The following FKBP4 variants were observed in gnomAD, a reference collection of about 807,000 sequenced individuals.
FKBP4 encodes peptidyl-prolyl cis-trans isomerase FKBP4.
Under a neutral mutation model 54.1 loss-of-function variants are expected in FKBP4, and 28 were observed. The observed-to-expected ratio is 0.52, with a 90% CI of 0.38 to 0.71. The LOEUF (loss-of-function observed/expected upper bound fraction) is 0.71. Ranked by LOEUF, FKBP4 falls within the 30% of genes least tolerant of loss-of-function variation. The pLI, the probability that FKBP4 is intolerant of heterozygous loss-of-function variation, is 0.00. For synonymous variants in FKBP4, 223 were observed against 216.1 expected (o/e 1.03, Z -0.28); for missense variants, 493 against 574.4 (o/e 0.86, Z 1.45).
intron 5 of FKBP4, among the ~76,000 whole-genome samples, 170 bp downstream of exon 5, chr12:2,799,414 CCTT>C (rs751126529): frequency 6.6e-6 from 1 of 152,204 alleles, no homozygotes; most frequent in Non-Finnish European, 1.5e-5. Flanking sequence ...GTCTACATCT[CCTT>C]GGATCTAAGC....
Position 2,800,373 on chromosome 12 carries a change from A to C in FKBP4, c.847-19A>C. ...CCACTGAAACTGTGCCAGGTGCCTGAGCCTCTCTCCCATTCCAGGAAGGTA... is the reference window on the plus strand; with the variant it reads ...CCACTGAAACTGTGCCAGGTGCCTGCGCCTCTCTCCCATTCCAGGAAGGTA... On this transcript the variant is annotated intron_variant, in intron 7 of 9. Transcript: ENST00000001008. The C allele has an allele frequency of 6.3e-7, 1 of 1,597,936 alleles. No homozygotes were observed. Among genetic ancestry groups the C allele is most frequent in the Non-Finnish European group, 8.5e-7 (1 of 1,171,996 alleles).
intron 5 of FKBP4, 104 bp from the exon 6 acceptor site, chr12:2,799,746 C>A: frequency 1.0e-6 from 1 of 967,736 alleles, no homozygotes. Context: ...AACCAAGTCT[C>A]AAGGGATGGG....
At chr12:2,796,090 T>C (rs2097901672) in intron 1 of FKBP4, 1 of 1,195,676 alleles carries the variant, frequency 8.4e-7, no homozygotes, top group East Asian at 5.9e-5. Context: ...CTGCCTTGGG[T>C]CGGAGCAGGT....
At position 2,797,609 on chromosome 12, in the gene FKBP4, C is replaced by A; in HGVS notation, c.251-120C>A. 3 of 1,246,548 alleles carry A rather than the reference C, an allele frequency of 2.4e-6. No homozygotes were observed. The East Asian group carries it at 7.1e-5, about 30-fold the overall frequency. The allele number at this position is 1,246,548 out of a possible 1,614,324, so 77.2% of individuals were successfully genotyped here. A position where few individuals can be genotyped will look rare whatever the true frequency, so the allele number is the denominator to read the frequency against. ...ACAACCAGGTACCTCACCTTCTGGT[C>A]CCATTTCTAAAGGATGTCCAGCTTC... On this transcript the variant is annotated intron_variant, in intron 2 of 9. Coordinates refer to ENST00000001008, the MANE Select transcript of FKBP4 (RefSeq NM_002014.4).
chr12:2,797,258 A>G lies in FKBP4; in HGVS notation c.226A>G (p.Lys76Glu). 1.9e-6 allele frequency: 3 copies of G among 1,613,980 alleles called. No homozygotes were observed. Among genetic ancestry groups the G allele is most frequent in the Non-Finnish European group, 2.5e-6 (3 of 1,179,884 alleles). The change falls in exon 2 of 10, where the codon AAA becomes GAA. Residue 76 changes from lysine (K) to glutamate (E), a missense_variant. Physicochemically the swap from Lys to Glu is moderately conservative, Grantham distance 56 (BLOSUM62 1). Coordinates refer to ENST00000001008, the MANE Select transcript of FKBP4 (RefSeq NM_002014.4). ...KFDSSLDRKDKFSFDLGKGEV... is the reference protein window; with the variant it reads ...KFDSSLDRKDEFSFDLGKGEV... The stretch of plus-strand genomic sequence containing the variant: ...TGACTCCAGTCTGGATCGCAAGGAC[A>G]AATTCTCCTTTGACCTGGGAAAAGG...
chr12:2,801,247 C>T lies in FKBP4; in HGVS notation c.1163C>T (p.Ala388Val), dbSNP rs779602240. 2 of 1,613,556 alleles carry T rather than the reference C, an allele frequency of 1.2e-6. No individual in the cohort carries two copies. The highest frequency in any genetic ancestry group is 2.2e-5 in the South Asian group (2 of 91,052). The change falls in exon 9 of 10, where the codon GCC becomes GTC. Residue 388 changes from alanine to valine, a missense_variant. Transcript: ENST00000001008. ...CTGCAGCTCTACCCCAACAACAAAG[C>T]CGCCAAGACCCAGCTGGCTGTGTGC... ...KVLQLYPNNK[A>V]AKTQLAVCQQ...
intron 9 of FKBP4, 52 bp from the exon 10 acceptor site, chr12:2,803,099 T>G: frequency 8.0e-7 from 1 of 1,247,970 alleles, no homozygotes; most frequent in South Asian, 1.3e-5. Context: ...AAATTAAGTG[T>G]GTGTTTTTTC....
At position 2,795,846 on chromosome 12, in the gene FKBP4, A is replaced by T; in HGVS notation, c.105+602A>T. On this transcript the variant is annotated intron_variant, in intron 1 of 9. Coordinates refer to ENST00000001008, the MANE Select transcript of FKBP4 (RefSeq NM_002014.4). The surrounding 1 kb of genome is among the most constrained non-coding windows in gnomAD (Gnocchi z 4.3). Reference sequence around the variant, plus strand: ...GGGTCCCCTGCCGACGCCGGGACCCAGCGAGGTCCCCACTCGCCGCGCGGC... The same window carrying T: ...GGGTCCCCTGCCGACGCCGGGACCCTGCGAGGTCCCCACTCGCCGCGCGGC... The T allele has an allele frequency of 1.7e-6, 1 of 600,358 alleles. No individual in the cohort carries two copies. The highest frequency in any genetic ancestry group is 2.1e-6 in the Non-Finnish European group (1 of 476,980). 37.2% of individuals were successfully genotyped at this position (600,358 alleles called of 1,614,324 possible).
rs143403049 is a variant in FKBP4, at chr12:2,803,199, A to G, written c.1321A>G (p.Lys441Glu). The G allele has an allele frequency of 1.2e-4, 190 of 1,605,834 alleles. No homozygotes were observed. Among genetic ancestry groups the G allele is most frequent in the Non-Finnish European group, 1.4e-4 (167 of 1,176,384 alleles). ...AGACCATCCCACTGACACAGAGATG[A>G]AGGAGGAGCAGAAGAGCAACACGGC... ...SGDHPTDTEM[K>E]EEQKSNTAGS... Residue 441 changes from lysine (K) to glutamate (E), a missense_variant, in exon 10 of 10, where the codon AAG (lysine) becomes GAG (glutamate). Physicochemically the swap from Lys to Glu is moderately conservative, Grantham distance 56. Coordinates refer to ENST00000001008, the MANE Select transcript of FKBP4 (RefSeq NM_002014.4).
Position 2,801,350 on chromosome 12 carries a change from G to A in FKBP4, c.1266G>A (p.Glu422=), listed in dbSNP as rs1033322201. The change falls in exon 9 of 10, where the codon GAG becomes GAA. Residue 422 remains glutamate, a synonymous_variant. Coordinates refer to ENST00000001008, the MANE Select transcript of FKBP4 (RefSeq NM_002014.4). ...ANMFERLAEE[E]NKAKAEASSG... ...TGTTTGAGAGGCTGGCTGAGGAGGA[G>A]AACAAGGTGAGGATTGGGGTGGGGA... The A allele has an allele frequency of 9.3e-6, 15 of 1,613,992 alleles. No individual in the cohort carries two copies. The highest frequency in any genetic ancestry group is 1.2e-5 in the Non-Finnish European group (14 of 1,180,014).
At chr12:2,797,682 G>C in intron 2 of FKBP4, 47 bp from the exon 3 acceptor site, 1 of 1,569,730 alleles carries the variant, frequency 6.4e-7, no homozygotes, top group Non-Finnish European at 8.7e-7. Context: ...TTTGAGCCCA[G>C]AATCAGAACC....
chr12:2,801,257 C>T lies in FKBP4; in HGVS notation c.1173C>T (p.Thr391=). ...ACCCCAACAACAAAGCCGCCAAGAC[C>T]CAGCTGGCTGTGTGCCAGCAGCGGA... ...QLYPNNKAAK[T]QLAVCQQRIR... is the part of the protein sequence containing the mutation. Residue 391 remains threonine (T), a synonymous_variant, in exon 9 of 10, where the codon ACC becomes ACT. Transcript: ENST00000001008. 1 of 1,613,658 alleles carries T rather than the reference C, an allele frequency of 6.2e-7. No individual in the cohort carries two copies.
rs1398093050 is a variant in FKBP4 at position 2,795,497 on chromosome 12, A to G, written c.105+253A>G. ...CGAGGCCCCAGGCTCCCCAGCCGGCAGCGCCCGGGCCCGGGCAGGGGGTCG... is the reference window on the plus strand; with the variant it reads ...CGAGGCCCCAGGCTCCCCAGCCGGCGGCGCCCGGGCCCGGGCAGGGGGTCG... On this transcript the variant is annotated intron_variant, in intron 1 of 9. Coordinates refer to ENST00000001008, the MANE Select transcript of FKBP4 (RefSeq NM_002014.4). This position sits in a 1 kb window ranked among gnomAD's most constrained non-coding sequence, Gnocchi z 4.3. Among the ~76,000 whole-genome samples, 8 of 146,392 alleles carry G rather than the reference A, an allele frequency of 5.5e-5. No individual in the cohort carries two copies. The East Asian group carries it at 1.6e-3, about 29-fold the overall frequency.
rs1308217420 is a variant in FKBP4, at chr12:2,798,612, G to A, written c.394-94G>A. 6.3e-7 allele frequency: 1 copy of A among 1,591,068 alleles called. No individual in the cohort carries two copies. ...CTGCCCTTGTGGTCAGATCCGGCCT[G>A]GCAGTTAGTAGGGACTCTCTCGGAT... On this transcript the variant is annotated intron_variant, in intron 3 of 9. Transcript: ENST00000001008. The surrounding 1 kb of genome is among the most constrained non-coding windows in gnomAD (Gnocchi z 4.3).
chr12:2,803,126 C>A, intron 9 of FKBP4, 25 bp from the exon 10 acceptor site: 2 of 1,526,448 alleles, frequency 1.3e-6, no homozygotes, highest in South Asian at 2.3e-5. Context: ...GAAGTCAGCC[C>A]GTTTGCTGTT....
rs1469500534 is a variant in FKBP4, at chr12:2,804,435, G to A, written c.*1177G>A. 1 of 152,250 alleles carries A rather than the reference G, an allele frequency of 6.6e-6. No individual in the cohort carries two copies. The highest frequency in any genetic ancestry group is 1.5e-5 in the Non-Finnish European group (1 of 68,052). 9.4% of individuals were successfully genotyped at this position (152,250 alleles called of 1,614,324 possible). ...TGATTAAGGTTAAGAGTAAAGCAGA[G>A]TGTTCACGTCCAGCTTCCTTCTCAG... On this transcript the variant is annotated 3_prime_UTR_variant, in exon 10 of 10. Transcript: ENST00000001008.
At position 2,800,486 on chromosome 12, in the gene FKBP4, C is replaced by T; in HGVS notation, c.941C>T (p.Ala314Val). Residue 314 changes from alanine (A) to valine (V), a missense_variant, in exon 8 of 10, where the codon GCA becomes GTA. By Grantham distance (64) the Ala-to-Val change is moderately conservative (BLOSUM62 0). Coordinates refer to ENST00000001008, the MANE Select transcript of FKBP4 (RefSeq NM_002014.4). Reference sequence around the variant, plus strand: ...TTTTCCAATGAGGAAGCACAGAAAGCACAGGCCCTTCGACTGGCCTCTCAC... The same window carrying T: ...TTTTCCAATGAGGAAGCACAGAAAGTACAGGCCCTTCGACTGGCCTCTCAC... ...SSFSNEEAQKAQALRLASHLN... is the reference protein window; with the variant it reads ...SSFSNEEAQKVQALRLASHLN... The T allele has an allele frequency of 1.2e-6, 2 of 1,614,168 alleles. No individual in the cohort carries two copies. Among genetic ancestry groups the T allele is most frequent in the African/African-American group, 1.3e-5 (1 of 75,052 alleles).
chr12:2,795,974 G>GGCGGGGAGGAGGCGCTCTGCTGTGGA lies in FKBP4; in HGVS notation c.105+733_105+758dup. On this transcript the variant is annotated intron_variant, in intron 1 of 9. Coordinates refer to ENST00000001008, the MANE Select transcript of FKBP4 (RefSeq NM_002014.4). The surrounding 1 kb of genome is among the most constrained non-coding windows in gnomAD (Gnocchi z 4.3). ...CCGGAGCCAGGGCTGCGGGGTGTGGGGCGGGGAGGAGGCGCTCTGCTGTGG... is the reference window on the plus strand; with the variant it reads ...CCGGAGCCAGGGCTGCGGGGTGTGGGGCGGGGAGGAGGCGCTCTGCTGTGGAGCGGGGAGGAGGCGCTCTGCTGTGG... The GGCGGGGAGGAGGCGCTCTGCTGTGGA allele has an allele frequency of 9.3e-7, 1 of 1,078,704 alleles. No homozygotes were observed. The highest frequency in any genetic ancestry group is 1.1e-6 in the Non-Finnish European group (1 of 882,850). The allele number at this position is 1,078,704 out of a possible 1,614,324, so 66.8% of individuals were successfully genotyped here.
chr12:2,799,979 C>G (rs3021522), intron 6 of FKBP4, 39 bp downstream of exon 6: 83,560 of 1,612,842 alleles, frequency 0.052, 3,273 homozygotes, highest in East Asian at 0.22. Flanking sequence ...AAGTCAAGTT[C>G]CACCCTGTAC....
Sources: gnomAD v4.1 joint callset for allele counts (sites outside exome capture counted in the v4.1 genomes callset) on GRCh38, gnomAD v4.1.1 for gene constraint, Gnocchi (gnomAD v3.1) non-coding constraint, MANE v1.5 for transcripts, NCBI Gene and HGNC (gene_info 2026-07-23, HGNC 2026-07-21) for gene names.